GLI2: variants seen among roughly 807,000 people sequenced by gnomAD.
The protein encoded by GLI2 is GLI family zinc finger 2.
In GLI2, 22 loss-of-function variants were observed where a neutral mutation model predicts 78.9. The observed-to-expected ratio is 0.28, with a 90% CI of 0.20 to 0.40. GLI2 has a LOEUF of 0.40. Among genes scored for constraint, GLI2 ranks in the 10% least tolerant of loss-of-function variants. GLI2 has a pLI of 1.00. For missense variants in GLI2, 2,097 were observed against 2,213.2 expected (o/e 0.95, Z 1.05); for synonymous variants, 974 against 963.7 (o/e 1.01, Z -0.20).
At chr2:120,758,730 C>T (rs1236769281) in intron 1 of GLI2, among the ~76,000 whole-genome samples, 3 of 152,194 alleles carry the variant, frequency 2.0e-5, no homozygotes, top group Non-Finnish European at 2.9e-5. Context: ...CCTTGGCTTG[C>T]GGGTGAGGGC....
chr2:120,945,466 A>T (rs1176796116), intron 3 of GLI2, among the ~76,000 whole-genome samples: 1 of 152,182 alleles, frequency 6.6e-6, no homozygotes, highest in African/African-American at 2.4e-5. Flanking sequence ...AGGTGGGTGG[A>T]TGGACAGGCC....
At chr2:120,853,057 C>T (rs910479178) in intron 2 of GLI2, among the ~76,000 whole-genome samples, 3 of 152,322 alleles carry the variant, frequency 2.0e-5, no homozygotes, top group African/African-American at 4.8e-5. Flanking sequence ...TCGACATGAT[C>T]GCTCAGGAGA....
At chr2:120,948,299 T>C (rs546982387) in intron 3 of GLI2, among the ~76,000 whole-genome samples, 3 of 152,256 alleles carry the variant, frequency 2.0e-5, no homozygotes, top group Non-Finnish European at 4.4e-5. Context: ...GGGGCTGCCA[T>C]GAGGATATAG....
chr2:120,821,939 T>A (rs1452851106), intron 2 of GLI2, among the ~76,000 whole-genome samples: 2 of 152,158 alleles, frequency 1.3e-5, no homozygotes, highest in Non-Finnish European at 2.9e-5. Flanking sequence ...TGCCTTTGAC[T>A]CCACGGGGGC....
chr2:120,951,603 T>G (rs1331837242), intron 4 of GLI2, 158 bp downstream of exon 4: 1 of 590,490 alleles, frequency 1.7e-6, no homozygotes, highest in Non-Finnish European at 3.0e-6. Flanking sequence ...AACAACAAGT[T>G]TTTGGGTTTT....
chr2:120,816,611 T>C (rs1685505731), intron 2 of GLI2, among the ~76,000 whole-genome samples: 1 of 151,688 alleles, frequency 6.6e-6, no homozygotes, highest in Non-Finnish European at 1.5e-5. Flanking sequence ...ATAACAATGA[T>C]ACAACTATTA....
rs972139485 is a variant in GLI2, at chr2:120,967,277, T to C, written c.644-1437T>C. On this transcript the variant is annotated intron_variant, in intron 5 of 13. Transcript: ENST00000361492. ...CCCAAGCATTTACTGTGCCCTACCA[T>C]GGGCCAGGTGCTTCTCACGCTTCGC... Among the ~76,000 whole-genome samples, 5 of 152,354 alleles carry C rather than the reference T, an allele frequency of 3.3e-5. No homozygotes were observed. The South Asian group carries it at 1.0e-3, about 32-fold the overall frequency.
rs374595353 is a variant in GLI2, at chr2:120,778,690, G to A, written c.-30-18601G>A. On this transcript the variant is annotated intron_variant, in intron 1 of 13. Coordinates refer to ENST00000361492, the MANE Select transcript of GLI2 (RefSeq NM_001374353.1). ...GCTGGGGGCCAGTCCAGGTAGGCAG[G>A]GCACAGAGACCTTCCACATGGCCAG... Among the ~76,000 whole-genome samples the A allele has an allele frequency of 2.6e-5, 4 of 152,220 alleles. No individual in the cohort carries two copies. The East Asian group carries it at 5.8e-4, about 22-fold the overall frequency.
At chr2:120,811,942 C>T (rs1573413791) in intron 2 of GLI2, among the ~76,000 whole-genome samples, 2 of 152,018 alleles carry the variant, frequency 1.3e-5, no homozygotes, top group South Asian at 2.1e-4. Flanking sequence ...GTGGCAGCAG[C>T]GAACACACAG....
intron 1 of GLI2, among the ~76,000 whole-genome samples, chr2:120,765,910 G>A (rs1683352871): frequency 1.3e-5 from 2 of 152,240 alleles, no homozygotes; most frequent in South Asian, 4.1e-4. Flanking sequence ...TTGATGTGAA[G>A]AGAGAATGTG....
At chr2:120,749,570 C>T (rs763954198) in intron 1 of GLI2, among the ~76,000 whole-genome samples, 5 of 152,168 alleles carry the variant, frequency 3.3e-5, no homozygotes, top group South Asian at 2.1e-4. Flanking sequence ...AGACCTCAGG[C>T]GGCAGGCCAT....
At chr2:120,953,858 A>C (rs992019789) in intron 4 of GLI2, among the ~76,000 whole-genome samples, 7 of 152,188 alleles carry the variant, frequency 4.6e-5, no homozygotes, top group South Asian at 4.1e-4. Flanking sequence ...CTCTAAAAAA[A>C]AATTTTAAAA....
intron 2 of GLI2, among the ~76,000 whole-genome samples, chr2:120,894,407 C>T (rs1677837816): frequency 6.6e-6 from 1 of 152,200 alleles, no homozygotes; most frequent in African/African-American, 2.4e-5. Flanking sequence ...AGCTACGCCT[C>T]TGGGGGACTT....
intron 1 of GLI2, among the ~76,000 whole-genome samples, chr2:120,759,590 G>C (rs1683152497): frequency 6.6e-6 from 1 of 152,154 alleles, no homozygotes; most frequent in South Asian, 2.1e-4. Flanking sequence ...ATGCCCTTTT[G>C]GGTGCACTAC....
At position 120,988,811 on chromosome 2, in the gene GLI2, C is replaced by T; in HGVS notation, c.2846C>T (p.Ala949Val). 7.1e-7 allele frequency: 1 copy of T among 1,416,214 alleles called. No individual in the cohort carries two copies. Among genetic ancestry groups the T allele is most frequent in the Non-Finnish European group, 9.2e-7 (1 of 1,085,140 alleles). The allele number at this position is 1,416,214 out of a possible 1,614,324, so 87.7% of individuals were successfully genotyped here. A position where few individuals can be genotyped will look rare whatever the true frequency, so the allele number is the denominator to read the frequency against. ...CCCCACGAGGCTCCAGGCGGCGGAG[C>T]CAGGCGGGCCAGCGACCCTGTGCGG... ...AFPHEAPGGG[A>V]RRASDPVRRP... The change falls in exon 14 of 14, where the codon GCC becomes GTC. Residue 949 changes from alanine to valine, a missense_variant. Ala to Val is a moderately conservative substitution (Grantham distance 64, BLOSUM62 0). Around this residue, in one of 5 missense-constraint regions of GLI2, gnomAD observed 1,290 missense variants for 1,261.7 expected, o/e 1.02. Transcript: ENST00000361492.
chr2:120,918,176 G>A (rs942425587), intron 2 of GLI2, among the ~76,000 whole-genome samples: 1 of 152,218 alleles, frequency 6.6e-6, no homozygotes, highest in African/African-American at 2.4e-5. Flanking sequence ...CAAACCCTGT[G>A]TATGTCAAGG....
chr2:120,889,907 CTTATTATAAAGGT>C (rs1279665633), intron 2 of GLI2, among the ~76,000 whole-genome samples: 1 of 152,176 alleles, frequency 6.6e-6, no homozygotes, highest in Admixed American at 6.5e-5. Context: ...AGTCTGGAAG[CTTATTATAAAGGT>C]AAACATACTG....
In GLI2 at chr2:120,984,611, G is replaced by A. The variant is rs776509889; in HGVS notation, c.1773G>A (p.Pro591=). The A allele has an allele frequency of 2.4e-5, 38 of 1,614,224 alleles. No individual in the cohort carries two copies. Among genetic ancestry groups the A allele is most frequent in the African/African-American group, 9.3e-5 (7 of 75,074 alleles). ...GCAATGACGTGCACCTCCGCACACC[G>A]CTGCTCAAAGAGAATGGGGACAGTG... ...KQRNDVHLRT[P]LLKENGDSEA... The change falls in exon 12 of 14, where the codon CCG becomes CCA. Residue 591 remains proline, a synonymous_variant. Coordinates refer to ENST00000361492, the MANE Select transcript of GLI2 (RefSeq NM_001374353.1).
chr2:120,834,222 C>A (rs1189393027), intron 2 of GLI2, among the ~76,000 whole-genome samples: 1 of 152,194 alleles, frequency 6.6e-6, no homozygotes, highest in African/African-American at 2.4e-5. Flanking sequence ...GAGGACACCC[C>A]ACACCATACA....
Sources: allele counts gnomAD v4.1 joint callset (sites outside exome capture counted in the v4.1 genomes callset), GRCh38; gene constraint gnomAD v4.1.1; regional missense constraint gnomAD v4.1.1; transcripts MANE v1.5; gene names NCBI Gene and HGNC (gene_info 2026-07-23, HGNC 2026-07-21).